The following KLF12 variants were observed in gnomAD, a reference collection of about 807,000 sequenced individuals.
KLF12 encodes the protein Krueppel-like factor 12.
Under a neutral mutation model 37.8 loss-of-function variants are expected in KLF12, and 9 were observed. The observed-to-expected ratio is 0.24, with a 90% confidence interval of 0.14 to 0.42. The LOEUF is 0.42. Among genes scored for constraint, KLF12 ranks in the 10% least tolerant of loss-of-function variants. The pLI, the probability that KLF12 is intolerant of heterozygous loss-of-function variation, is 1.00. For synonymous variants in KLF12, 208 were observed against 202.1 expected, an observed-to-expected ratio of 1.03 and a Z score of -0.25; for missense variants, 411 against 516.0, an observed-to-expected ratio of 0.80 and a Z score of 1.97.
chr13:73,907,151 A>G (rs900027399), intron 3 of KLF12, among the ~76,000 whole-genome samples: 2 of 152,202 alleles, frequency 1.3e-5, no homozygotes, highest in African/African-American at 4.8e-5. Flanking sequence ...TGCAAAGTCC[A>G]TATTATTTTC....
At chr13:73,777,916 G>C (rs1880721590) in intron 5 of KLF12, among the ~76,000 whole-genome samples, 2 of 151,986 alleles carry the variant, frequency 1.3e-5, no homozygotes, top group African/African-American at 4.8e-5. Context: ...CAGATCACCT[G>C]AGATCAGGAG....
intron 2 of KLF12, among the ~76,000 whole-genome samples, chr13:73,979,005 T>C (rs946172415): frequency 1.3e-5 from 2 of 152,046 alleles, no homozygotes; most frequent in Non-Finnish European, 2.9e-5. Flanking sequence ...TTGCCAAGGG[T>C]TGGGGAGACA....
At chr13:74,228,233 G>A in the KLF12 span, among the ~76,000 whole-genome samples, 17 of 151,880 alleles carry the variant, frequency 1.1e-4, no homozygotes, top group Non-Finnish European at 2.5e-4. Flanking sequence ...TTTCTGCACC[G>A]TATGTTAAAA....
intron 2 of KLF12, among the ~76,000 whole-genome samples, chr13:73,976,268 T>C (rs1248990735): frequency 6.6e-6 from 1 of 151,530 alleles, no homozygotes; most frequent in Non-Finnish European, 1.5e-5. Context: ...TCTTGAAAAA[T>C]AAATAAGTGA....
the KLF12 span, among the ~76,000 whole-genome samples, chr13:74,238,620 C>T: frequency 7.0e-6 from 1 of 143,402 alleles, no homozygotes; most frequent in African/African-American, 2.9e-5. Flanking sequence ...ATTTCAGATC[C>T]TGTTATTGGT....
chr13:73,953,511 G>C (rs1030117179), intron 2 of KLF12, among the ~76,000 whole-genome samples: 1 of 152,068 alleles, frequency 6.6e-6, no homozygotes, highest in Admixed American at 6.6e-5. Flanking sequence ...AAAGTTGTTT[G>C]AATAGTAATG....
At chr13:73,837,695 C>T (rs887557564) in intron 4 of KLF12, among the ~76,000 whole-genome samples, 1 of 152,102 alleles carries the variant, frequency 6.6e-6, no homozygotes, top group African/African-American at 2.4e-5. Flanking sequence ...CAGCAATATT[C>T]CAGTCCCATT....
chr13:74,148,718 C>T, the KLF12 span, among the ~76,000 whole-genome samples: 2 of 152,128 alleles, frequency 1.3e-5, no homozygotes, highest in Non-Finnish European at 2.9e-5. Flanking sequence ...CTCTTGCCTT[C>T]CAGAGAACCC....
At position 74,086,658 on chromosome 13, in the gene KLF12, T is replaced by C. The variant is rs12872506; in HGVS notation, c.-32+47081A>G. 8.5e-4 allele frequency among the ~76,000 whole-genome samples: 129 copies of C among 152,190 alleles called. 1 individual carries two copies. Among genetic ancestry groups the C allele is most frequent in the South Asian group, 2.1e-3 (10 of 4,814 alleles). ...TTCCAAAATACATACTGTTGACCCC[T>C]GAACATCATGGAGGTTAGGGGTACT... On this transcript the variant is annotated intron_variant, in intron 1 of 7. Coordinates refer to ENST00000377669, the MANE Select transcript of KLF12 (RefSeq NM_007249.5).
rs1033093440 is a variant in KLF12 at position 73,687,275 on chromosome 13, T to C, written c.*8215A>G. The C allele has an allele frequency of 6.6e-6, 1 of 152,280 alleles. No homozygotes were observed. The highest frequency in any genetic ancestry group is 6.6e-5 in the Admixed American group (1 of 15,230). 9.4% of individuals were successfully genotyped at this position (152,280 alleles called of 1,614,324 possible). A position where few individuals can be genotyped will look rare whatever the true frequency, so the allele number is the denominator to read the frequency against. The stretch of plus-strand genomic sequence containing the variant: ...GTACTTATCTCACATCCACAGAGAG[T>C]TGGTTTGCCATGTGATGCAATGTGT... On this transcript the variant is annotated 3_prime_UTR_variant, in exon 8 of 8. Transcript: ENST00000377669.
At chr13:73,714,179 A>G (rs1875615426) in intron 7 of KLF12, among the ~76,000 whole-genome samples, 2 of 152,214 alleles carry the variant, frequency 1.3e-5, no homozygotes, top group Non-Finnish European at 2.9e-5. Context: ...GCAGTGGCTC[A>G]CACCTGTAAT....
At chr13:74,297,879 G>A in the KLF12 span, among the ~76,000 whole-genome samples, 3 of 152,232 alleles carry the variant, frequency 2.0e-5, no homozygotes, top group Middle Eastern at 6.8e-3. Context: ...TTTATGTAAT[G>A]TCAAATTATC....
the KLF12 span, among the ~76,000 whole-genome samples, chr13:74,203,396 A>T: frequency 3.3e-5 from 5 of 152,116 alleles, no homozygotes; most frequent in African/African-American, 1.2e-4. Flanking sequence ...GAGATATTTC[A>T]TCTCATCAGA....
the KLF12 span, among the ~76,000 whole-genome samples, chr13:74,228,915 A>C: frequency 1.3e-5 from 2 of 152,060 alleles, no homozygotes; most frequent in Non-Finnish European, 2.9e-5. Flanking sequence ...GAAATCAAAC[A>C]CTGCTGCTCC....
the KLF12 span, among the ~76,000 whole-genome samples, chr13:74,191,299 T>G: frequency 6.6e-6 from 1 of 152,356 alleles, no homozygotes; most frequent in East Asian, 1.9e-4. Context: ...AAGCCACATC[T>G]GAGGTTTCTT....
At chr13:73,756,748 A>C (rs1164083006) in intron 6 of KLF12, among the ~76,000 whole-genome samples, 1 of 152,088 alleles carries the variant, frequency 6.6e-6, no homozygotes, top group Admixed American at 6.6e-5. Flanking sequence ...ATTGTAACCA[A>C]GGGCTGGGCA....
At chr13:73,948,598 A>G (rs1020858648) in intron 2 of KLF12, among the ~76,000 whole-genome samples, 1 of 152,208 alleles carries the variant, frequency 6.6e-6, no homozygotes, top group African/African-American at 2.4e-5. Context: ...TCCTATAGAA[A>G]AAGTATCAGA....
chr13:74,160,914 T>G, the KLF12 span, among the ~76,000 whole-genome samples: 3 of 152,094 alleles, frequency 2.0e-5, no homozygotes, highest in Non-Finnish European at 4.4e-5. Flanking sequence ...CTCTTCACCC[T>G]CTTCAGCAAG....
At chr13:74,003,288 T>C (rs1015149506) in intron 1 of KLF12, among the ~76,000 whole-genome samples, 8 of 152,178 alleles carry the variant, frequency 5.3e-5, no homozygotes, top group African/African-American at 1.9e-4. Flanking sequence ...GGAAAAGAGA[T>C]GGACTGGGTA....
Sources: allele counts gnomAD v4.1 joint callset (sites outside exome capture counted in the v4.1 genomes callset), GRCh38; gene constraint gnomAD v4.1.1; transcripts MANE v1.5; gene names NCBI Gene and HGNC (gene_info 2026-07-23, HGNC 2026-07-21).